Variants in SUGCT observed in about 807,000 individuals in gnomAD.
SUGCT encodes succinyl-CoA:glutarate-CoA transferase.
A neutral mutation model predicts 55.0 loss-of-function variants in SUGCT; 41 were observed. That is an observed-to-expected ratio of 0.74 (90% CI 0.58 to 0.97). The LOEUF is 0.97. Ranked by LOEUF, SUGCT falls within the 50% of genes least tolerant of loss-of-function variation. SUGCT has a pLI of 0.00. For missense variants in SUGCT, 568 were observed against 547.8 expected (o/e 1.04, Z -0.37); for synonymous variants, 187 against 200.4 (o/e 0.93, Z 0.56).
the SUGCT span, among the ~76,000 whole-genome samples, chr7:40,896,387 T>C: frequency 2.6e-5 from 4 of 152,156 alleles, no homozygotes; most frequent in Admixed American, 6.5e-5. Flanking sequence ...ATTGGTAAAA[T>C]AGTCATACTA....
chr7:40,352,214 C>G (rs1449037071), intron 9 of SUGCT, among the ~76,000 whole-genome samples: 1 of 152,078 alleles, frequency 6.6e-6, no homozygotes, highest in Non-Finnish European at 1.5e-5. Flanking sequence ...TAATAGAGAT[C>G]CATTTTCACC....
intron 12 of SUGCT, among the ~76,000 whole-genome samples, chr7:40,540,779 G>A (rs533843130): frequency 2.6e-3 from 399 of 152,312 alleles, no homozygotes; most frequent in Non-Finnish European, 4.2e-3. Flanking sequence ...TGTGTATGTC[G>A]CAGTAGAACT....
intron 12 of SUGCT, among the ~76,000 whole-genome samples, chr7:40,556,930 A>G (rs1474590059): frequency 3.3e-5 from 5 of 152,212 alleles, no homozygotes; most frequent in Non-Finnish European, 7.3e-5. Context: ...AGATGATTCT[A>G]CTACTCAAGG....
At chr7:40,551,109 TG>T (rs1225110072) in intron 12 of SUGCT, among the ~76,000 whole-genome samples, 1 of 152,192 alleles carries the variant, frequency 6.6e-6, no homozygotes, top group Non-Finnish European at 1.5e-5. Context: ...TGTATTCAAG[TG>T]GGCATGCTCT....
rs576317870 is a variant in SUGCT, at chr7:40,575,328, A to G, written c.1089+78942A>G. Among the ~76,000 whole-genome samples, 3 of 152,246 alleles carry G rather than the reference A, an allele frequency of 2.0e-5. No individual in the cohort carries two copies. The South Asian group carries it at 6.2e-4, about 32-fold the overall frequency. On this transcript the variant is annotated intron_variant, in intron 12 of 13. Transcript: ENST00000335693. ...TCTGATTTAATTTCTTACCAACGTT[A>G]TTTAAAAAACAACAACAACAACAAC...
chr7:40,909,359 G>A, the SUGCT span, among the ~76,000 whole-genome samples: 2 of 152,178 alleles, frequency 1.3e-5, no homozygotes. Context: ...GCCTCCACCT[G>A]TCTCTTTGAC....
At chr7:40,818,654 T>A (rs1381597990) in intron 13 of SUGCT, among the ~76,000 whole-genome samples, 1 of 152,016 alleles carries the variant, frequency 6.6e-6, no homozygotes, top group Non-Finnish European at 1.5e-5. Flanking sequence ...GAAGAGTAAA[T>A]GGGAAGTGAG....
At chr7:40,541,524 T>C (rs908683892) in intron 12 of SUGCT, among the ~76,000 whole-genome samples, 1 of 152,186 alleles carries the variant, frequency 6.6e-6, no homozygotes, top group Admixed American at 6.5e-5. Flanking sequence ...GTAAGCATTA[T>C]GCAATAATTA....
chr7:40,153,423 A>T, intron 1 of SUGCT: 1 of 370,994 alleles, frequency 2.7e-6, no homozygotes, highest in Non-Finnish European at 5.3e-6. Flanking sequence ...TGATGTTGCG[A>T]TTCTTTTGAA....
At chr7:40,367,243 C>T (rs942328086) in intron 9 of SUGCT, among the ~76,000 whole-genome samples, 7 of 127,914 alleles carry the variant, frequency 5.5e-5, no homozygotes, top group Non-Finnish European at 9.3e-5. Flanking sequence ...GGAAGGGTAA[C>T]ATCACACTCC....
chr7:40,488,010 C>T (rs1791473594), intron 11 of SUGCT, among the ~76,000 whole-genome samples: 1 of 149,444 alleles, frequency 6.7e-6, no homozygotes, highest in Non-Finnish European at 1.5e-5. Flanking sequence ...ATTCATTCAA[C>T]TACTCTGCTC....
chr7:40,333,637 A>T, intron 9 of SUGCT, among the ~76,000 whole-genome samples: 1 of 49,328 alleles, frequency 2.0e-5, no homozygotes, highest in Admixed American at 4.2e-4. Context: ...ACTCTGTCTC[A>T]AAAAAAAAAA....
chr7:40,918,460 CAAAA>C, the SUGCT span, among the ~76,000 whole-genome samples: 2 of 101,950 alleles, frequency 2.0e-5, no homozygotes. Context: ...GACTCTGTCT[CAAAA>C]AAAAAAAAAA....
intron 8 of SUGCT, among the ~76,000 whole-genome samples, chr7:40,312,097 T>C (rs1249722597): frequency 2.0e-5 from 3 of 150,110 alleles, no homozygotes; most frequent in African/African-American, 2.5e-5. Flanking sequence ...TGGAGTGCAA[T>C]GGCGCGATCT....
chr7:40,265,959 C>CCACACA (rs56844215), intron 7 of SUGCT, among the ~76,000 whole-genome samples: 2 of 149,924 alleles, frequency 1.3e-5, no homozygotes, highest in East Asian at 2.0e-4. Flanking sequence ...TCAAAAAAAA[C>CCACACA]CACACACACA....
At chr7:40,959,551 A>G in the SUGCT span, among the ~76,000 whole-genome samples, 1 of 152,146 alleles carries the variant, frequency 6.6e-6, no homozygotes, top group Non-Finnish European at 1.5e-5. Flanking sequence ...TCGACTTCAG[A>G]CTGCTGTGCT....
chr7:41,027,647 C>A, the SUGCT span, among the ~76,000 whole-genome samples: 1 of 152,158 alleles, frequency 6.6e-6, no homozygotes. Context: ...CAATGACATT[C>A]TCATTCATGG....
At chr7:41,038,091 G>T in the SUGCT span, among the ~76,000 whole-genome samples, 1 of 152,064 alleles carries the variant, frequency 6.6e-6, no homozygotes, top group African/African-American at 2.4e-5. Flanking sequence ...AAATGGAGGG[G>T]GACAAAGGAA....
chr7:40,941,009 A>T, the SUGCT span, among the ~76,000 whole-genome samples: 3 of 151,882 alleles, frequency 2.0e-5, no homozygotes, highest in Non-Finnish European at 2.9e-5. Flanking sequence ...GCTGTGGGTT[A>T]GTCATATATT....
Sources: gnomAD v4.1 joint callset for allele counts (sites outside exome capture counted in the v4.1 genomes callset) on GRCh38, gnomAD v4.1.1 for gene constraint, MANE v1.5 for transcripts, NCBI Gene and HGNC (gene_info 2026-07-23, HGNC 2026-07-21) for gene names.